SEPTIN11: variants seen among roughly 807,000 people sequenced by gnomAD.
The protein encoded by SEPTIN11 is septin 11.
In SEPTIN11, 25 loss-of-function variants were observed where a neutral mutation model predicts 51.4. The ratio of observed to expected loss-of-function variants is 0.49; its 90% CI spans 0.35 to 0.68. The LOEUF (loss-of-function observed/expected upper bound fraction) is 0.68. SEPTIN11 is among the 30% of genes least tolerant of loss of function. SEPTIN11 has a pLI of 0.00. For synonymous variants in SEPTIN11, 174 were observed against 184.1 expected (o/e 0.95, Z 0.44); for missense variants, 381 against 520.8 (o/e 0.73, Z 2.61).
At chr4:76,994,597 A>C (rs372234652) in intron 1 of SEPTIN11, among the ~76,000 whole-genome samples, 1 of 152,208 alleles carries the variant, frequency 6.6e-6, no homozygotes, top group Admixed American at 6.5e-5. Context: ...ATTGACCTCA[A>C]ATCTGCAGCT....
chr4:76,987,734 T>C (rs1723118128), intron 1 of SEPTIN11: 1 of 389,182 alleles, frequency 2.6e-6, no homozygotes, highest in Non-Finnish European at 3.5e-6. Flanking sequence ...TTTCTCCAGA[T>C]ACTGGGAGGT....
chr4:76,998,880 T>C (rs2016811), intron 2 of SEPTIN11, among the ~76,000 whole-genome samples: 151,481 of 152,238 alleles, frequency 1, 75,366 homozygotes, highest in South Asian at 1. Context: ...CTTAGTTACA[T>C]GCTCAGCCTG....
chr4:77,031,170 T>C (rs1726602553), intron 9 of SEPTIN11, 200 bp downstream of exon 9: 3 of 551,274 alleles, frequency 5.4e-6, no homozygotes, highest in Admixed American at 7.8e-5. Flanking sequence ...TATAAAACTT[T>C]ACCACAATTG....
chr4:76,963,742 A>G (rs1560695736), intron 1 of SEPTIN11, among the ~76,000 whole-genome samples: 3 of 152,340 alleles, frequency 2.0e-5, no homozygotes, highest in East Asian at 3.9e-4. Context: ...CAGCTTAGGA[A>G]TGTAGTCTAG....
At chr4:76,969,632 A>G (rs1722163223) in intron 1 of SEPTIN11, among the ~76,000 whole-genome samples, 1 of 152,198 alleles carries the variant, frequency 6.6e-6, no homozygotes, top group African/African-American at 2.4e-5. Context: ...TCCATATGCA[A>G]TCCAGTCGAT....
chr4:76,951,100 G>T (rs1282783860), intron 1 of SEPTIN11, among the ~76,000 whole-genome samples: 1 of 152,120 alleles, frequency 6.6e-6, no homozygotes, highest in Non-Finnish European at 1.5e-5. Context: ...CTGGAAGCTC[G>T]GAAATCCCAG....
rs776609345 is a variant in SEPTIN11, at chr4:77,030,912, C to G, written c.1216C>G (p.Gln406Glu). The change falls in exon 9 of 10, where the codon CAG (glutamine) becomes GAG (glutamate). Residue 406 changes from glutamine (Q) to glutamate (E), a missense_variant. This residue lies in a region of SEPTIN11 where 197 missense variants were observed against 313.1 expected (regional missense o/e 0.63). Transcript: ENST00000264893. ...GAAGAAAGCAGCGGCTCAGTTACTA[C>G]AGTCCCAGGCCCAGCAATCTGGGGC... ...QKKKAAAQLL[Q>E]SQAQQSGAQQ... 5.6e-6 allele frequency: 9 copies of G among 1,611,446 alleles called. No individual in the cohort carries two copies. The Admixed American group carries it at 1.5e-4, about 27-fold the overall frequency.
chr4:77,033,130 A>T (rs922086491), intron 9 of SEPTIN11, among the ~76,000 whole-genome samples: 6 of 151,936 alleles, frequency 3.9e-5, no homozygotes, highest in African/African-American at 1.5e-4. Flanking sequence ...CAGTGAAAGC[A>T]ACTGCCAGTG....
At chr4:76,968,034 G>T (rs1035551689) in intron 1 of SEPTIN11, among the ~76,000 whole-genome samples, 1 of 152,046 alleles carries the variant, frequency 6.6e-6, no homozygotes, top group African/African-American at 2.4e-5. Flanking sequence ...TAGAGTGTGT[G>T]GTAGCCAAGC....
intron 2 of SEPTIN11, among the ~76,000 whole-genome samples, chr4:77,003,140 G>A (rs1191886518): frequency 6.6e-6 from 1 of 152,164 alleles, no homozygotes; most frequent in African/African-American, 2.4e-5. Context: ...GCTGTGTGGG[G>A]ATTGCATGTA....
In SEPTIN11 at chr4:77,038,148, C is replaced by T; in HGVS notation, c.*3636C>T. On this transcript the variant is annotated 3_prime_UTR_variant, in exon 10 of 10. Coordinates refer to ENST00000264893, the MANE Select transcript of SEPTIN11 (RefSeq NM_018243.4). ...CTTCGAAAAGTCCTGGTTCCACTGA[C>T]AGGACACATTCTTTAGTGGGAATTA... is the stretch of plus-strand genomic sequence containing the variant. 6.1e-6 allele frequency: 6 copies of T among 985,878 alleles called. No homozygotes were observed. Among genetic ancestry groups the T allele is most frequent in the Non-Finnish European group, 7.2e-6 (6 of 829,938 alleles). The allele number at this position is 985,878 out of a possible 1,614,324, so 61.1% of individuals were successfully genotyped here.
chr4:76,972,812 A>G (rs1031386031), intron 1 of SEPTIN11, among the ~76,000 whole-genome samples: 5 of 152,196 alleles, frequency 3.3e-5, no homozygotes, highest in African/African-American at 9.7e-5. Context: ...AATACTGGGC[A>G]CTCATTCTGC....
chr4:77,027,178 C>T (rs1276406038), intron 7 of SEPTIN11, among the ~76,000 whole-genome samples: 3 of 152,158 alleles, frequency 2.0e-5, no homozygotes, highest in Non-Finnish European at 4.4e-5. Context: ...CTCTGTTGCC[C>T]AGGCTGGAGT....
chr4:76,995,368 G>T (rs1484219718), intron 1 of SEPTIN11, among the ~76,000 whole-genome samples: 1 of 151,892 alleles, frequency 6.6e-6, no homozygotes, highest in African/African-American at 2.4e-5. Flanking sequence ...GCGACAGAGT[G>T]AGACTCCATC....
At position 76,961,404 on chromosome 4, in the gene SEPTIN11, G is replaced by A. The variant is rs187689792; in HGVS notation, c.27+11474G>A. Among the ~76,000 whole-genome samples, 10 of 152,236 alleles carry A rather than the reference G, an allele frequency of 6.6e-5. No homozygotes were observed. The East Asian group carries it at 9.6e-4, about 15-fold the overall frequency. ...ACAGATTAATTTGTGCCCTATTTCC[G>A]CTACAAAACATTCTGACTGCCTGCA... On this transcript the variant is annotated intron_variant, in intron 1 of 9. Transcript: ENST00000264893.
chr4:77,028,844 TGGTCCAA>T (rs58129215), intron 8 of SEPTIN11, 83 bp downstream of exon 8: 390,191 of 1,422,532 alleles, frequency 0.27, 55,945 homozygotes, highest in East Asian at 0.43. Flanking sequence ...GACTTCATGA[TGGTCCAA>T]GTACTTTCTA....
intron 1 of SEPTIN11, chr4:76,995,764 T>G (rs995492939): frequency 2.0e-6 from 3 of 1,468,644 alleles, no homozygotes; most frequent in Non-Finnish European, 2.7e-6. Flanking sequence ...AAATGTATGA[T>G]AACTACCTTA....
chr4:77,018,416 T>C (rs1347228825), intron 5 of SEPTIN11, among the ~76,000 whole-genome samples: 1 of 149,898 alleles, frequency 6.7e-6, no homozygotes, highest in Non-Finnish European at 1.5e-5. Context: ...GCCACTGCAC[T>C]CCAGCCTGGG....
At chr4:76,964,297 CATT>C (rs1560696043) in intron 1 of SEPTIN11, among the ~76,000 whole-genome samples, 2 of 100,824 alleles carry the variant, frequency 2.0e-5, no homozygotes, top group Non-Finnish European at 2.0e-5. Context: ...CTTGGCCAAT[CATT>C]TTTTTTTTTT....
Sources: gnomAD v4.1 joint callset for allele counts (sites outside exome capture counted in the v4.1 genomes callset) on GRCh38, gnomAD v4.1.1 for gene constraint, gnomAD v4.1.1 regional missense constraint, MANE v1.5 for transcripts, NCBI Gene and HGNC (gene_info 2026-07-23, HGNC 2026-07-21) for gene names.